Variants in BEND2 observed in about 807,000 individuals in gnomAD.
BEND2 encodes BEN domain containing 2.
A neutral mutation model predicts 43.8 loss-of-function variants in BEND2; 19 were observed. The ratio of observed to expected loss-of-function variants is 0.43; its 90% CI spans 0.30 to 0.64. The LOEUF is 0.64. Ranked by LOEUF, BEND2 falls within the 30% of genes least tolerant of loss-of-function variation. The pLI, the probability that BEND2 is intolerant of heterozygous loss-of-function variation, is 0.11. For missense variants in BEND2, 544 were observed against 574.0 expected (o/e 0.95, Z 0.53); for synonymous variants, 226 against 210.1 (o/e 1.08, Z -0.66).
At chrX:18,215,872 G>A (rs1157911933) in intron 2 of BEND2, among the ~76,000 whole-genome samples, 7 of 112,077 alleles carry the variant, frequency 6.2e-5, no homozygotes, top group Non-Finnish European at 1.3e-4. Flanking sequence ...ATTCCAAGGA[G>A]TTAACGTCTC....
chrX:18,168,488 ACT>A (rs1321994703), intron 13 of BEND2, among the ~76,000 whole-genome samples: 1 of 111,667 alleles, frequency 9.0e-6, no homozygotes, highest in African/African-American at 3.3e-5. Flanking sequence ...AGGGGAGGTG[ACT>A]CTGTCAAAGC....
rs867913884 is a variant in BEND2, at chrX:18,163,427, C to T, written c.*1582G>A. Reference sequence around the variant, plus strand: ...AGAGAAAATGTTAAATTTACTTCCTCTGTCTAATTAATTACATCTTAAATG... The same window carrying T: ...AGAGAAAATGTTAAATTTACTTCCTTTGTCTAATTAATTACATCTTAAATG... On this transcript the variant is annotated 3_prime_UTR_variant, in exon 14 of 14. Coordinates refer to ENST00000380033, the MANE Select transcript of BEND2 (RefSeq NM_153346.5). 4 of 111,941 alleles carry T rather than the reference C, an allele frequency of 3.6e-5. No individual in the cohort carries two copies. The highest frequency in any genetic ancestry group is 1.3e-4 in the African/African-American group (4 of 30,864). 9.2% of individuals were successfully genotyped at this position (111,941 alleles called of 1,213,427 possible).
intron 8 of BEND2, among the ~76,000 whole-genome samples, chrX:18,180,971 C>T (rs1334509159): frequency 4.5e-5 from 5 of 110,243 alleles, no homozygotes; most frequent in East Asian, 2.8e-4. Context: ...CATGGGGTTT[C>T]GCCATGTTGG....
At chrX:18,167,856 G>A (rs1307652270) in intron 13 of BEND2, among the ~76,000 whole-genome samples, 1 of 112,483 alleles carries the variant, frequency 8.9e-6, no homozygotes, top group African/African-American at 3.2e-5. Context: ...ATGAGCCACT[G>A]TGCCCGACCT....
chrX:18,199,130 C>A (rs1465928776), intron 6 of BEND2, among the ~76,000 whole-genome samples: 2 of 105,933 alleles, frequency 1.9e-5, no homozygotes, highest in African/African-American at 6.9e-5. Flanking sequence ...TGCAGCACAC[C>A]AGCATGGCAC....
rs890167545 is a variant in BEND2 at position 18,162,968 on chromosome X, G to C, written c.*2041C>G. On this transcript the variant is annotated 3_prime_UTR_variant, in exon 14 of 14. Coordinates refer to ENST00000380033, the MANE Select transcript of BEND2 (RefSeq NM_153346.5). ...AAATGTTTATTTATTGTATCTATTTGGGAAACAAAACATTAAAGATACATT... is the reference window on the plus strand; with the variant it reads ...AAATGTTTATTTATTGTATCTATTTCGGAAACAAAACATTAAAGATACATT... 4 of 111,835 alleles carry C rather than the reference G, an allele frequency of 3.6e-5. No homozygotes were observed. Among genetic ancestry groups the C allele is most frequent in the African/African-American group, 1.3e-4 (4 of 30,824 alleles). 9.2% of individuals were successfully genotyped at this position (111,835 alleles called of 1,213,427 possible). A position where few individuals can be genotyped will look rare whatever the true frequency, so the allele number is the denominator to read the frequency against.
chrX:18,171,282 C>T (rs1923970079), intron 12 of BEND2, 78 bp from the exon 13 acceptor site: 15 of 1,033,204 alleles, frequency 1.5e-5, no homozygotes, highest in Admixed American at 2.9e-5. Flanking sequence ...GAAACAGAAA[C>T]GTTGATTTTT....
At chrX:18,215,251 C>T (rs1486183173) in intron 2 of BEND2, among the ~76,000 whole-genome samples, 1 of 111,612 alleles carries the variant, frequency 9.0e-6, no homozygotes, top group East Asian at 2.8e-4. Context: ...TTCTATCATC[C>T]CCAACATACA....
intron 6 of BEND2, among the ~76,000 whole-genome samples, chrX:18,199,129 C>T (rs1169605980): frequency 9.4e-6 from 1 of 105,861 alleles, no homozygotes; most frequent in Non-Finnish European, 1.9e-5. Context: ...GTGCAGCACA[C>T]CAGCATGGCA....
rs941031614 is a variant in BEND2, at chrX:18,164,391, T to C, written c.*618A>G. ...TATAAAGATGTATGTAGAAGTACTA[T>C]GGTTTTATTAAGCTGAAGGCAACTA... On this transcript the variant is annotated 3_prime_UTR_variant, in exon 14 of 14. Coordinates refer to ENST00000380033, the MANE Select transcript of BEND2 (RefSeq NM_153346.5). 8.9e-6 allele frequency: 1 copy of C among 111,764 alleles called. No individual in the cohort carries two copies. 9.2% of individuals were successfully genotyped at this position (111,764 alleles called of 1,213,427 possible). A position where few individuals can be genotyped will look rare whatever the true frequency, so the allele number is the denominator to read the frequency against.
chrX:18,166,316 C>A (rs190311207), intron 13 of BEND2, among the ~76,000 whole-genome samples: 1 of 111,792 alleles, frequency 8.9e-6, no homozygotes, highest in Non-Finnish European at 1.9e-5. Flanking sequence ...AAAATGTGTT[C>A]TCTGGAACAC....
At chrX:18,210,078 G>C (rs1208925083) in intron 4 of BEND2, among the ~76,000 whole-genome samples, 1 of 109,508 alleles carries the variant, frequency 9.1e-6, no homozygotes, top group African/African-American at 3.3e-5. Context: ...TTTCCTACTA[G>C]ATAAGGAAAA....
intron 12 of BEND2, among the ~76,000 whole-genome samples, chrX:18,171,911 T>C (rs1193115171): frequency 9.0e-6 from 1 of 111,535 alleles, no homozygotes; most frequent in East Asian, 2.8e-4. Context: ...AGGTTTTCTA[T>C]TTAGTATTAA....
chrX:18,188,659 C>A (rs1304655275), intron 8 of BEND2, among the ~76,000 whole-genome samples: 1 of 111,612 alleles, frequency 9.0e-6, no homozygotes, highest in Non-Finnish European at 1.9e-5. Context: ...AAGAAAAGCT[C>A]AAGACCCAAA....
In BEND2 at chrX:18,203,508, G is replaced by C. The variant is rs1925230260; in HGVS notation, c.900C>G (p.Pro300=). The change falls in exon 5 of 14, where the codon CCC becomes CCG. Residue 300 remains proline, a synonymous_variant. Coordinates refer to ENST00000380033, the MANE Select transcript of BEND2 (RefSeq NM_153346.5). The part of the protein sequence containing the change: ...GRALSSFCFH[P]NLEMPERPAN... ...GTGTCATTTCAAACTCACCCAAATT[G>C]GGATGGAAGCAGAAAGATGACAAGG... 4.2e-6 allele frequency: 5 copies of C among 1,203,506 alleles called. No homozygotes were observed. In the South Asian group the frequency reaches 5.3e-5, roughly 13 times the overall value.
intron 9 of BEND2, 66 bp downstream of exon 9, chrX:18,180,444 C>T: frequency 8.5e-7 from 1 of 1,179,675 alleles, no homozygotes; most frequent in African/African-American, 1.7e-5. Context: ...CACTGTCTTG[C>T]ATCAAGGAAG....
At position 18,220,795 on chromosome X, in the gene BEND2, C is replaced by G; in HGVS notation, c.-45G>C. ...GCTCTGAGGCCCGAGACCTGAGGCC[C>G]GAGACCTGAGGCCTACGTCTGCGCC... is the stretch of plus-strand genomic sequence containing the variant. On this transcript the variant is annotated 5_prime_UTR_variant, in exon 1 of 14. Coordinates refer to ENST00000380033, the MANE Select transcript of BEND2 (RefSeq NM_153346.5). The G allele has an allele frequency of 1.7e-6, 2 of 1,177,299 alleles. No individual in the cohort carries two copies. Among genetic ancestry groups the G allele is most frequent in the Non-Finnish European group, 2.3e-6 (2 of 869,751 alleles).
At chrX:18,178,216 G>C (rs190521106) in intron 9 of BEND2, among the ~76,000 whole-genome samples, 96 of 111,900 alleles carry the variant, frequency 8.6e-4, no homozygotes, top group African/African-American at 2.9e-3. Flanking sequence ...GGATCATTAA[G>C]AAAATTTTCA....
At chrX:18,201,396 C>CAAAAAAAAAAAA (rs1227049211) in intron 6 of BEND2, among the ~76,000 whole-genome samples, 6 of 20,618 alleles carry the variant, frequency 2.9e-4, no homozygotes, top group African/African-American at 3.4e-4. Context: ...AACTCCATCT[C>CAAAAAAAAAAAA]AAAAAAAAAA....
Sources: allele counts gnomAD v4.1 joint callset (sites outside exome capture counted in the v4.1 genomes callset), GRCh38; gene constraint gnomAD v4.1.1; transcripts MANE v1.5; gene names NCBI Gene and HGNC (gene_info 2026-07-23, HGNC 2026-07-21).